Variants in MCOLN2 observed in about 807,000 individuals in gnomAD.
MCOLN2 encodes the protein mucolipin TRP cation channel 2, also known as mucolipin-2.
MCOLN2 carries 57 observed loss-of-function variants against 67.5 expected under a neutral mutation model. The ratio of observed to expected loss-of-function variants is 0.84; its 90% CI spans 0.68 to 1.05. MCOLN2 has a LOEUF of 1.05. Ranked by LOEUF, MCOLN2 falls within the 50% of genes least tolerant of loss-of-function variation. The pLI is 0.00. For synonymous variants in MCOLN2, 246 were observed against 233.3 expected (o/e 1.05, Z -0.50); for missense variants, 620 against 678.8 (o/e 0.91, Z 0.96).
chr1:84,942,773 T>A (rs1203423599), intron 7 of MCOLN2, among the ~76,000 whole-genome samples: 1 of 152,102 alleles, frequency 6.6e-6, no homozygotes, highest in African/African-American at 2.4e-5. Flanking sequence ...AATCCACTCA[T>A]AGATTTATGG....
chr1:84,983,070 G>GC (rs1650338898), intron 1 of MCOLN2, among the ~76,000 whole-genome samples: 1 of 151,646 alleles, frequency 6.6e-6, no homozygotes, highest in South Asian at 2.1e-4. Flanking sequence ...AGGGGATGGG[G>GC]CAGGGTAGGC....
At chr1:84,987,524 G>GTATATAGATATACATACATAGATA (rs1192298029) in intron 1 of MCOLN2, among the ~76,000 whole-genome samples, 19 of 18,208 alleles carry the variant, frequency 1.0e-3, no homozygotes, top group African/African-American at 3.7e-3. Flanking sequence ...ATGTATATAT[G>GTATATAGATATACATACATAGATA]TATACATCTA....
intron 13 of MCOLN2, among the ~76,000 whole-genome samples, chr1:84,927,237 T>C (rs1385166947): frequency 6.6e-6 from 1 of 151,916 alleles, no homozygotes; most frequent in Non-Finnish European, 1.5e-5. Flanking sequence ...ATGTTACATT[T>C]AGGTTTTACT....
At chr1:84,971,432 C>A (rs1649673930) in intron 1 of MCOLN2, among the ~76,000 whole-genome samples, 1 of 151,118 alleles carries the variant, frequency 6.6e-6, no homozygotes, top group Non-Finnish European at 1.5e-5. Context: ...TTTCTGAGGG[C>A]TCTTTATTGC....
intron 1 of MCOLN2, among the ~76,000 whole-genome samples, chr1:84,990,297 C>CAAAAAAAAAAAA: frequency 5.7e-5 from 2 of 34,958 alleles, no homozygotes; most frequent in Non-Finnish European, 4.9e-5. Context: ...GACTCCATCT[C>CAAAAAAAAAAAA]AAAAAAAAAA....
chr1:84,967,301 T>C (rs1421403409), intron 1 of MCOLN2, among the ~76,000 whole-genome samples: 1 of 152,232 alleles, frequency 6.6e-6, no homozygotes, highest in Admixed American at 6.5e-5. Context: ...CCTTCATGGC[T>C]TAAGCCAGTT....
chr1:84,973,541 G>T (rs1465335875), intron 1 of MCOLN2, among the ~76,000 whole-genome samples: 1 of 152,112 alleles, frequency 6.6e-6, no homozygotes, highest in African/African-American at 2.4e-5. Context: ...GAGACATCCT[G>T]GGGAAATTGT....
At chr1:84,993,719 C>T (rs985118936) in intron 1 of MCOLN2, among the ~76,000 whole-genome samples, 3 of 151,062 alleles carry the variant, frequency 2.0e-5, no homozygotes, top group Admixed American at 6.6e-5. Flanking sequence ...CAAGCTCCGC[C>T]TCCCGGGTTC....
At chr1:84,945,641 A>G (rs937203240) in intron 7 of MCOLN2, among the ~76,000 whole-genome samples, 1 of 152,234 alleles carries the variant, frequency 6.6e-6, no homozygotes, top group African/African-American at 2.4e-5. Flanking sequence ...CTGCAAAATA[A>G]AAAACACTGA....
chr1:84,939,546 C>T lies in MCOLN2; in HGVS notation c.1110+7G>A, dbSNP rs202171479. The T allele has an allele frequency of 1.6e-4, 255 of 1,613,740 alleles. 2 individuals are homozygous for T. Among genetic ancestry groups the T allele is most frequent in the Middle Eastern group, 5.0e-4 (3 of 6,060 alleles). On this transcript the variant is annotated splice_region_variant and intron_variant, in intron 9 of 13. Coordinates refer to ENST00000370608, the MANE Select transcript of MCOLN2 (RefSeq NM_153259.4). ...AAGAACAGAGACTTTAAATGGGCTT[C>T]CCTCACCTTTGCTTTGATTTCCATT...
At chr1:84,928,156 T>C (rs1557625284) in intron 13 of MCOLN2, among the ~76,000 whole-genome samples, 1 of 152,182 alleles carries the variant, frequency 6.6e-6, no homozygotes, top group Non-Finnish European at 1.5e-5. Context: ...TAGTTACAGC[T>C]ACCTGTCTTT....
chr1:84,956,589 TA>T lies in MCOLN2; in HGVS notation c.412-6del. The T allele has an allele frequency of 1.9e-6, 3 of 1,570,998 alleles. No individual in the cohort carries two copies. The highest frequency in any genetic ancestry group is 1.4e-5 in the African/African-American group (1 of 72,132). ...AATGTCCTTTAGCTGATGATACTAT[TA>T]AAAAATAGTCAAGTAAAAACCACAT... On this transcript the variant is annotated splice_region_variant and splice_polypyrimidine_tract_variant and intron_variant, in intron 3 of 13. Coordinates refer to ENST00000370608, the MANE Select transcript of MCOLN2 (RefSeq NM_153259.4).
intron 7 of MCOLN2, among the ~76,000 whole-genome samples, chr1:84,943,707 G>C (rs554363338): frequency 1.3e-5 from 2 of 152,322 alleles, no homozygotes; most frequent in South Asian, 4.1e-4. Flanking sequence ...AACTCTCTGA[G>C]CAAATGATTT....
chr1:84,952,209 A>G (rs1256421440), intron 6 of MCOLN2, 34 bp downstream of exon 6: 1 of 1,460,768 alleles, frequency 6.8e-7, no homozygotes, highest in Non-Finnish European at 9.5e-7. Context: ...GGAAAAAAAT[A>G]AAAGGAAGTA....
At chr1:84,941,446 G>A (rs1647778079) in intron 7 of MCOLN2, among the ~76,000 whole-genome samples, 1 of 152,186 alleles carries the variant, frequency 6.6e-6, no homozygotes, top group Non-Finnish European at 1.5e-5. Context: ...GCAGTGAGCC[G>A]AGATCGTGCC....
At chr1:84,973,038 G>T (rs1224413336) in intron 1 of MCOLN2, among the ~76,000 whole-genome samples, 1 of 152,292 alleles carries the variant, frequency 6.6e-6, no homozygotes, top group Non-Finnish European at 1.5e-5. Context: ...GCACAAGGAC[G>T]TATGCAAGAC....
In MCOLN2 at chr1:84,956,430, C is replaced by T. The variant is rs745393678; in HGVS notation, c.565+1G>A. The T allele has an allele frequency of 6.2e-7, 1 of 1,610,718 alleles. No homozygotes were observed. Among genetic ancestry groups the T allele is most frequent in the South Asian group, 1.1e-5 (1 of 90,034 alleles). On this transcript the variant is annotated splice_donor_variant, in intron 4 of 13. Coordinates refer to ENST00000370608, the MANE Select transcript of MCOLN2 (RefSeq NM_153259.4). LOFTEE classifies it high-confidence loss of function. ...ACATCATGAAATTATCACTGCATTACCGAGCTCAACGTCGTTGTCAATATT... is the reference window on the plus strand; with the variant it reads ...ACATCATGAAATTATCACTGCATTATCGAGCTCAACGTCGTTGTCAATATT...
At chr1:84,951,283 G>C (rs1021137390) in intron 6 of MCOLN2, among the ~76,000 whole-genome samples, 7 of 152,200 alleles carry the variant, frequency 4.6e-5, no homozygotes, top group African/African-American at 1.7e-4. Flanking sequence ...ATAGTTGAAT[G>C]AAACACTCTT....
At chr1:84,952,411 A>T in intron 5 of MCOLN2, 35 bp downstream of exon 5, 1 of 1,569,454 alleles carries the variant, frequency 6.4e-7, no homozygotes, top group Non-Finnish European at 8.8e-7. Context: ...TCCCACCCTC[A>T]TCTCTTAGGG....
Sources: gnomAD v4.1 joint callset for allele counts (sites outside exome capture counted in the v4.1 genomes callset) on GRCh38, gnomAD v4.1.1 for gene constraint, MANE v1.5 for transcripts, NCBI Gene and HGNC (gene_info 2026-07-23, HGNC 2026-07-21) for gene names.